INSC: variants seen among roughly 807,000 people sequenced by gnomAD.
INSC encodes the protein INSC spindle orientation adaptor protein.
Under a neutral mutation model 58.6 loss-of-function variants are expected in INSC, and 67 were observed. That is an observed-to-expected ratio of 1.14 (90% confidence interval 0.94 to 1.40). The LOEUF is 1.40. INSC is among the 40% of genes most tolerant of loss of function. INSC has a pLI of 0.00. For synonymous variants in INSC, 262 were observed against 276.1 expected (o/e 0.95, Z 0.51); for missense variants, 714 against 692.0 (o/e 1.03, Z -0.36).
chr11:15,128,004 A>G (rs2133699158), intron 1 of INSC, among the ~76,000 whole-genome samples: 1 of 152,270 alleles, frequency 6.6e-6, no homozygotes, highest in East Asian at 1.9e-4. Flanking sequence ...CAAAAAAAAA[A>G]AAGTGAAAGA....
At chr11:15,190,588 G>A in intron 5 of INSC, 113 bp from the exon 6 acceptor site, 1 of 761,722 alleles carries the variant, frequency 1.3e-6, no homozygotes, top group East Asian at 2.5e-5. Flanking sequence ...GCTAGGGGCA[G>A]GAGTAGATTC....
intron 9 of INSC, among the ~76,000 whole-genome samples, chr11:15,234,129 C>A (rs1852030523): frequency 6.6e-6 from 1 of 152,228 alleles, no homozygotes; most frequent in Non-Finnish European, 1.5e-5. Context: ...TCTTAAAACA[C>A]CTGGTGGTAC....
intron 11 of INSC, 143 bp downstream of exon 11, chr11:15,239,217 C>A: frequency 1.0e-6 from 1 of 985,146 alleles, no homozygotes; most frequent in Non-Finnish European, 1.4e-6. Flanking sequence ...GGGGTGGAGG[C>A]TCAGGGGTGC....
intron 10 of INSC, 109 bp from the exon 11 acceptor site, chr11:15,238,810 A>T: frequency 1.8e-6 from 2 of 1,126,446 alleles, no homozygotes; most frequent in Non-Finnish European, 2.5e-6. Flanking sequence ...AGACCCCTGA[A>T]GTCATCCTGA....
At chr11:15,231,297 C>G (rs955155456) in intron 9 of INSC, among the ~76,000 whole-genome samples, 9 of 152,164 alleles carry the variant, frequency 5.9e-5, no homozygotes, top group African/African-American at 9.7e-5. Context: ...TCCCCTAGAG[C>G]AGTGCTATCC....
chr11:15,125,753 T>C (rs887218740), intron 1 of INSC, among the ~76,000 whole-genome samples: 11 of 152,178 alleles, frequency 7.2e-5, no homozygotes, highest in African/African-American at 1.9e-4. Flanking sequence ...TGTGGGACTT[T>C]GGCCCTCTCA....
chr11:15,233,610 A>C (rs979706853), intron 9 of INSC, among the ~76,000 whole-genome samples: 1 of 152,224 alleles, frequency 6.6e-6, no homozygotes, highest in African/African-American at 2.4e-5. Flanking sequence ...ACAAAGACCT[A>C]CGTGGTGCCT....
Position 15,162,539 on chromosome 11 carries a change from C to A in INSC, c.57-13202C>A, listed in dbSNP as rs147999116. Reference sequence around the variant, plus strand: ...TCTACCACTACTTGTTAATAGAAATCATCTGCTTTTAACATACTGTATTCA... The same window carrying A: ...TCTACCACTACTTGTTAATAGAAATAATCTGCTTTTAACATACTGTATTCA... On this transcript the variant is annotated intron_variant, in intron 2 of 12. Coordinates refer to ENST00000379556, the MANE Select transcript of INSC (RefSeq NM_001042536.3). Among the ~76,000 whole-genome samples the A allele has an allele frequency of 2.5e-3, 383 of 152,302 alleles. 3 individuals are homozygous for A. Among genetic ancestry groups the A allele is most frequent in the East Asian group, 0.025 (129 of 5,174 alleles).
the INSC span, among the ~76,000 whole-genome samples, chr11:15,258,834 T>C: frequency 1.5e-4 from 23 of 152,152 alleles, no homozygotes; most frequent in African/African-American, 5.3e-4. Context: ...AATACAACCA[T>C]GACAGAATGA....
chr11:15,178,578 AC>A, intron 5 of INSC, 131 bp downstream of exon 5: 2 of 1,103,076 alleles, frequency 1.8e-6, no homozygotes, highest in Non-Finnish European at 2.5e-6. Flanking sequence ...TACTCAAACC[AC>A]CAAAGTCAAC....
chr11:15,240,878 C>T (rs996522490), intron 12 of INSC, among the ~76,000 whole-genome samples: 1 of 152,116 alleles, frequency 6.6e-6, no homozygotes, highest in African/African-American at 2.4e-5. Context: ...ATAGGGATAT[C>T]CCCTGCCTAT....
rs1283336885 is a variant in INSC at position 15,116,805 on chromosome 11, T to TTTTCTTTCTTTCTTTCTTTCTTTC, written c.-46+1824_-46+1847dup. ...TCCTTCCTTTCTTTTCTTTTCTTTC[T>TTTTCTTTCTTTCTTTCTTTCTTTC]TTTCTTTCTTTCTTTCTTTCTTTCT... On this transcript the variant is annotated intron_variant, in intron 1 of 12. Transcript: ENST00000379556. 1.4e-3 allele frequency among the ~76,000 whole-genome samples: 27 copies of TTTTCTTTCTTTCTTTCTTTCTTTC among 19,978 alleles called. 5 individuals are homozygous for TTTTCTTTCTTTCTTTCTTTCTTTC. The highest frequency in any genetic ancestry group is 3.6e-3 in the Admixed American group (5 of 1,388). 13.1% of individuals were successfully genotyped at this position (19,978 alleles called of 152,430 possible).
intron 1 of INSC, among the ~76,000 whole-genome samples, chr11:15,135,972 T>C (rs867693619): frequency 6.6e-6 from 1 of 152,072 alleles, no homozygotes; most frequent in Admixed American, 6.6e-5. Context: ...ATGACGGAGG[T>C]AGAAGGGCCA....
intron 6 of INSC, among the ~76,000 whole-genome samples, chr11:15,200,512 C>A (rs922097244): frequency 1.3e-5 from 2 of 152,050 alleles, no homozygotes; most frequent in Admixed American, 1.3e-4. Context: ...TTTGGGAACC[C>A]TGTTGAAGGG....
intron 8 of INSC, among the ~76,000 whole-genome samples, chr11:15,223,509 C>A (rs1339670364): frequency 6.6e-6 from 1 of 152,226 alleles, no homozygotes; most frequent in Non-Finnish European, 1.5e-5. Flanking sequence ...ATTTAATCTT[C>A]CTAACACATC....
chr11:15,269,598 A>C, the INSC span, among the ~76,000 whole-genome samples: 1 of 151,762 alleles, frequency 6.6e-6, no homozygotes, highest in African/African-American at 2.4e-5. Context: ...GGTGAGGAGG[A>C]ACATGTGTAA....
intron 1 of INSC, among the ~76,000 whole-genome samples, chr11:15,128,146 C>G (rs537836950): frequency 5.3e-4 from 81 of 152,180 alleles, no homozygotes; most frequent in African/African-American, 1.8e-3. Flanking sequence ...TTCTGAGAAC[C>G]TTTTTTGTAT....
At position 15,168,525 on chromosome 11, in the gene INSC, G is replaced by A. The variant is rs150027580; in HGVS notation, c.57-7216G>A. On this transcript the variant is annotated intron_variant, in intron 2 of 12. Coordinates refer to ENST00000379556, the MANE Select transcript of INSC (RefSeq NM_001042536.3). ...TATTTCTAGTTATTGTGACACGTGT[G>A]AAGGTGTTTTATATGGGGAAGAGCA... Among the ~76,000 whole-genome samples, 984 of 152,322 alleles carry A rather than the reference G, an allele frequency of 6.5e-3. 4 individuals are homozygous for A. Among genetic ancestry groups the A allele is most frequent in the Middle Eastern group, 0.01 (3 of 294 alleles).
chr11:15,126,796 A>C (rs907796228), intron 1 of INSC, among the ~76,000 whole-genome samples: 2 of 152,208 alleles, frequency 1.3e-5, no homozygotes, highest in African/African-American at 4.8e-5. Flanking sequence ...CAGATGCTCT[A>C]CCTGACCGCC....
Sources: allele counts gnomAD v4.1 joint callset (sites outside exome capture counted in the v4.1 genomes callset), GRCh38; gene constraint gnomAD v4.1.1; transcripts MANE v1.5; gene names NCBI Gene and HGNC (gene_info 2026-07-23, HGNC 2026-07-21).